Variants in CNTN3 observed in about 807,000 individuals in gnomAD.
CNTN3 encodes the protein contactin 3.
CNTN3 carries 60 observed loss-of-function variants against 119.1 expected under a neutral mutation model. The observed-to-expected ratio is 0.50, with a 90% CI of 0.41 to 0.62. The LOEUF is 0.62. Ranked by LOEUF, CNTN3 falls within the 20% of genes least tolerant of loss-of-function variation. The probability of loss-of-function intolerance (pLI) is 0.00; values close to 1 mark genes in which losing one functional copy is unlikely to be tolerated. For synonymous variants in CNTN3, 450 were observed against 438.7 expected (o/e 1.03, Z -0.32); for missense variants, 1,101 against 1,242.4 (o/e 0.89, Z 1.71).
At chr3:74,506,452 G>A (rs1001469597) in intron 2 of CNTN3, among the ~76,000 whole-genome samples, 51 of 152,114 alleles carry the variant, frequency 3.4e-4, no homozygotes, top group Non-Finnish European at 1.0e-4. Context: ...AAAACAGGGT[G>A]GGAGGAGATG....
chr3:74,560,872 T>C lies in CNTN3; in HGVS notation c.-80-39680A>G, dbSNP rs937626300. On this transcript the variant is annotated intron_variant, in intron 1 of 22. Coordinates refer to ENST00000263665, the MANE Select transcript of CNTN3 (RefSeq NM_020872.3). ...AAAAATGATGAGTTCATGTCCTTTG[T>C]AGGGACATGGATGAAGCTGGAAACC... Among the ~76,000 whole-genome samples the C allele has an allele frequency of 3.5e-4, 53 of 151,760 alleles. 2 individuals are homozygous for C. Among genetic ancestry groups the C allele is most frequent in the Non-Finnish European group, 2.7e-4 (18 of 67,920 alleles).
chr3:74,593,526 G>A (rs13314386), intron 1 of CNTN3, among the ~76,000 whole-genome samples: 2 of 151,800 alleles, frequency 1.3e-5, no homozygotes, highest in Non-Finnish European at 2.9e-5. Flanking sequence ...GAAATGATTT[G>A]CATTAATGTG....
At chr3:74,590,292 T>A (rs1704679340) in intron 1 of CNTN3, among the ~76,000 whole-genome samples, 1 of 151,986 alleles carries the variant, frequency 6.6e-6, no homozygotes, top group Non-Finnish European at 1.5e-5. Context: ...AGAAGTATAC[T>A]TTCCAATTCA....
At chr3:74,446,091 CAG>C (rs1702043970) in intron 4 of CNTN3, among the ~76,000 whole-genome samples, 1 of 152,160 alleles carries the variant, frequency 6.6e-6, no homozygotes, top group Admixed American at 6.5e-5. Flanking sequence ...CTTCTGGCTG[CAG>C]AGTCAGAAGA....
At chr3:74,290,641 G>A (rs1040045638) in intron 19 of CNTN3, among the ~76,000 whole-genome samples, 4 of 152,226 alleles carry the variant, frequency 2.6e-5, no homozygotes, top group Admixed American at 2.0e-4. Context: ...TGTTCATGGT[G>A]AGTGTGCATG....
chr3:74,498,214 G>A (rs1703099290), intron 3 of CNTN3, among the ~76,000 whole-genome samples: 2 of 151,710 alleles, frequency 1.3e-5, no homozygotes, highest in South Asian at 4.1e-4. Flanking sequence ...ATTTCAGGGA[G>A]AAACAAACAG....
At chr3:74,515,518 G>A (rs1449983449) in intron 2 of CNTN3, among the ~76,000 whole-genome samples, 1 of 152,024 alleles carries the variant, frequency 6.6e-6, no homozygotes, top group African/African-American at 2.4e-5. Flanking sequence ...TCAGTAGTGG[G>A]TGAAATAAAT....
intron 11 of CNTN3, among the ~76,000 whole-genome samples, chr3:74,342,401 T>G (rs1490120351): frequency 6.6e-6 from 1 of 152,166 alleles, no homozygotes; most frequent in East Asian, 1.9e-4. Flanking sequence ...GTATAGTGAT[T>G]TATTGGTTAG....
chr3:74,274,269 G>A (rs745985944), intron 20 of CNTN3, among the ~76,000 whole-genome samples: 23 of 151,946 alleles, frequency 1.5e-4, no homozygotes, highest in African/African-American at 2.4e-4. Flanking sequence ...TCTAGGGCCC[G>A]GCCCACCAAC....
intron 5 of CNTN3, among the ~76,000 whole-genome samples, chr3:74,409,619 C>T (rs1353855562): frequency 6.6e-6 from 1 of 151,810 alleles, no homozygotes; most frequent in Admixed American, 6.6e-5. Flanking sequence ...ACTGGAAGTT[C>T]ACAAAAATTT....
At chr3:74,486,749 ATTC>A (rs1702867235) in intron 3 of CNTN3, 118 bp from the exon 4 acceptor site, 3 of 805,732 alleles carry the variant, frequency 3.7e-6, no homozygotes, top group Non-Finnish European at 5.5e-6. Context: ...TACATATATT[ATTC>A]AAGTGTTACA....
At chr3:74,413,135 T>A (rs1701465334) in intron 5 of CNTN3, among the ~76,000 whole-genome samples, 1 of 152,184 alleles carries the variant, frequency 6.6e-6, no homozygotes, top group Non-Finnish European at 1.5e-5. Flanking sequence ...GTGAACAGCT[T>A]GCATAGTTCA....
At chr3:74,499,568 G>T in intron 3 of CNTN3, 91 bp downstream of exon 3, 2 of 1,202,604 alleles carry the variant, frequency 1.7e-6, no homozygotes, top group South Asian at 1.7e-5. Flanking sequence ...CTTACTGATG[G>T]CATAAATATA....
At position 74,275,119 on chromosome 3, in the gene CNTN3, A is replaced by T. The variant is rs372084018; in HGVS notation, c.2705-7741T>A. 5.6e-4 allele frequency among the ~76,000 whole-genome samples: 85 copies of T among 152,314 alleles called. 1 individual carries two copies. Among genetic ancestry groups the T allele is most frequent in the African/African-American group, 2.0e-3 (85 of 41,582 alleles). On this transcript the variant is annotated intron_variant, in intron 20 of 22. Transcript: ENST00000263665. ...CAACAAACACAAAGAAAAAAGAATA[A>T]GAAAATATGATTGTCTCCAAGAAGT...
rs142611903 is a variant in CNTN3 at position 74,501,666 on chromosome 3, C to T, written c.56-1881G>A. On this transcript the variant is annotated intron_variant, in intron 2 of 22. Transcript: ENST00000263665. ...GCTGACTCGGGGCAACTTTGCACCA[C>T]GACATCACCACACAATTAGCCCTTA... 4.9e-3 allele frequency among the ~76,000 whole-genome samples: 743 copies of T among 152,174 alleles called. 1 individual carries two copies. The highest frequency in any genetic ancestry group is 0.021 in the Middle Eastern group (6 of 292).
intron 4 of CNTN3, among the ~76,000 whole-genome samples, chr3:74,482,440 T>C (rs938746017): frequency 2.0e-5 from 3 of 152,022 alleles, no homozygotes; most frequent in Admixed American, 1.3e-4. Flanking sequence ...AAATATGTGA[T>C]AAAGGGAATC....
chr3:74,464,531 C>T (rs1174130276), intron 4 of CNTN3, among the ~76,000 whole-genome samples: 1 of 152,072 alleles, frequency 6.6e-6, no homozygotes, highest in East Asian at 1.9e-4. Context: ...AATCCAGCTG[C>T]CAAGCCCCAG....
At chr3:74,599,985 A>G (rs1177044749) in intron 1 of CNTN3, among the ~76,000 whole-genome samples, 1 of 152,104 alleles carries the variant, frequency 6.6e-6, no homozygotes, top group African/African-American at 2.4e-5. Context: ...CATTAAGAGC[A>G]TTCCAGGCAT....
chr3:74,610,421 GC>G (rs1705062081), intron 1 of CNTN3, among the ~76,000 whole-genome samples: 1 of 152,072 alleles, frequency 6.6e-6, no homozygotes, highest in Non-Finnish European at 1.5e-5. Context: ...GGGCTACTGG[GC>G]AAAAGAACAG....
Sources: allele counts gnomAD v4.1 joint callset (sites outside exome capture counted in the v4.1 genomes callset), GRCh38; gene constraint gnomAD v4.1.1; transcripts MANE v1.5; gene names NCBI Gene and HGNC (gene_info 2026-07-23, HGNC 2026-07-21).